DCC: variants seen among roughly 807,000 people sequenced by gnomAD.
DCC encodes the protein netrin receptor DCC.
Under a neutral mutation model 172.5 loss-of-function variants are expected in DCC, and 58 were observed. That is an observed-to-expected ratio of 0.34 (90% CI 0.27 to 0.42). The LOEUF (loss-of-function observed/expected upper bound fraction) is 0.42, where lower values mean the gene tolerates loss of function less well. DCC is among the 10% of genes least tolerant of loss of function. The probability of loss-of-function intolerance (pLI) is 1.00; values close to 1 mark genes in which losing one functional copy is unlikely to be tolerated. For synonymous variants in DCC, 709 were observed against 644.5 expected (o/e 1.10, Z -1.52); for missense variants, 1,740 against 1,791.0 (o/e 0.97, Z 0.51).
rs571303702 is a variant in DCC at position 53,140,494 on chromosome 18, G to A, written c.1262-16862G>A. On this transcript the variant is annotated intron_variant, in intron 7 of 28. Coordinates refer to ENST00000442544, the MANE Select transcript of DCC (RefSeq NM_005215.4). ...CTTAAATATGCCCCCAAATATAATA[G>A]AGTCTGCACAGAGATTACATGCTGG... is the stretch of plus-strand genomic sequence containing the variant. Among the ~76,000 whole-genome samples the A allele has an allele frequency of 1.0e-3, 157 of 152,218 alleles. 1 individual carries two copies. The highest frequency in any genetic ancestry group is 3.6e-3 in the African/African-American group (151 of 41,526).
chr18:52,519,453 A>G (rs1325823644), intron 1 of DCC, among the ~76,000 whole-genome samples: 2 of 152,188 alleles, frequency 1.3e-5, no homozygotes, highest in African/African-American at 4.8e-5. Flanking sequence ...AGGAGAAGAA[A>G]AGATAACTGT....
chr18:52,976,326 T>G (rs931527421), intron 5 of DCC, among the ~76,000 whole-genome samples: 1 of 152,186 alleles, frequency 6.6e-6, no homozygotes, highest in African/African-American at 2.4e-5. Context: ...TAGTTTCTTT[T>G]GCTGTGTAGA....
At chr18:52,608,006 T>G (rs2034172611) in intron 1 of DCC, among the ~76,000 whole-genome samples, 1 of 152,116 alleles carries the variant, frequency 6.6e-6, no homozygotes, top group African/African-American at 2.4e-5. Flanking sequence ...TGGAGGAACC[T>G]CCGGGCCCTA....
intron 7 of DCC, among the ~76,000 whole-genome samples, chr18:53,086,004 C>A (rs1205695832): frequency 1.0e-3 from 25 of 25,058 alleles, no homozygotes; most frequent in East Asian, 4.7e-3. Context: ...TCTCCTTCTT[C>A]TCCTTCTCCT....
intron 2 of DCC, among the ~76,000 whole-genome samples, chr18:52,893,957 TC>T (rs1197971560): frequency 2.0e-5 from 3 of 152,136 alleles, no homozygotes; most frequent in African/African-American, 7.2e-5. Flanking sequence ...ACATAAGTTT[TC>T]GAACTCACTG....
intron 2 of DCC, among the ~76,000 whole-genome samples, chr18:52,869,734 G>A (rs182440706): frequency 7.2e-5 from 11 of 152,342 alleles, no homozygotes; most frequent in Admixed American, 3.3e-4. Flanking sequence ...GTCTGCTGGC[G>A]TGTCAGCACT....
chr18:52,938,326 CTG>C (rs1244819024), intron 5 of DCC, among the ~76,000 whole-genome samples: 2 of 152,080 alleles, frequency 1.3e-5, no homozygotes, highest in African/African-American at 4.8e-5. Flanking sequence ...ATGAACCAAA[CTG>C]TGGAAGTGGG....
intron 2 of DCC, among the ~76,000 whole-genome samples, chr18:52,808,545 T>C (rs1271061667): frequency 6.6e-6 from 1 of 151,112 alleles, no homozygotes; most frequent in East Asian, 2.0e-4. Context: ...AAAGAAAAAA[T>C]AAAAATTGGC....
chr18:53,259,597 C>G, intron 12 of DCC, among the ~76,000 whole-genome samples: 1 of 152,138 alleles, frequency 6.6e-6, no homozygotes, highest in East Asian at 1.9e-4. Flanking sequence ...GTCTAATGGG[C>G]TTCCCTTTGT....
In DCC at chr18:52,373,888, A is replaced by ATT. The variant is rs1296846491; in HGVS notation, c.91+33031_91+33032dup. ...TCAATGAAGCATATTTGGTTGCATC[A>ATT]TTTTTTTTTTTTTTTTTTTTTTGAG... is the stretch of plus-strand genomic sequence containing the variant. On this transcript the variant is annotated intron_variant, in intron 1 of 28. Coordinates refer to ENST00000442544, the MANE Select transcript of DCC (RefSeq NM_005215.4). 1.9e-3 allele frequency among the ~76,000 whole-genome samples: 239 copies of ATT among 127,304 alleles called. 1 individual carries two copies. The highest frequency in any genetic ancestry group is 2.5e-3 in the Non-Finnish European group (151 of 61,152). The allele number at this position is 127,304 out of a possible 152,430, so 83.5% of individuals were successfully genotyped here.
chr18:52,699,275 C>A (rs1359499037), intron 1 of DCC, among the ~76,000 whole-genome samples: 3 of 152,150 alleles, frequency 2.0e-5, no homozygotes, highest in Non-Finnish European at 4.4e-5. Flanking sequence ...GGGACCATCC[C>A]CCTGAGACCC....
At chr18:53,234,181 C>A (rs1212625813) in intron 12 of DCC, among the ~76,000 whole-genome samples, 3 of 152,076 alleles carry the variant, frequency 2.0e-5, no homozygotes, top group Admixed American at 2.0e-4. Context: ...ACCTGGGAGG[C>A]GGAGGTTGCA....
chr18:52,905,122 G>A (rs1361027787), intron 2 of DCC, among the ~76,000 whole-genome samples: 2 of 152,158 alleles, frequency 1.3e-5, no homozygotes, highest in African/African-American at 4.8e-5. Flanking sequence ...TATGCATGGT[G>A]ATGCATACAA....
At chr18:52,881,111 TG>T (rs1200004671) in intron 2 of DCC, among the ~76,000 whole-genome samples, 1 of 152,184 alleles carries the variant, frequency 6.6e-6, no homozygotes, top group Non-Finnish European at 1.5e-5. Context: ...TGATGATCGA[TG>T]ATGTTGAGCA....
chr18:52,639,471 G>GCACT (rs1297456235), intron 1 of DCC, among the ~76,000 whole-genome samples: 1 of 152,056 alleles, frequency 6.6e-6, no homozygotes, highest in Non-Finnish European at 1.5e-5. Context: ...AAATAAAACA[G>GCACT]GAGATATTAC....
chr18:52,796,073 T>TG lies in DCC; in HGVS notation c.412+43700dup, dbSNP rs2037871365. On this transcript the variant is annotated intron_variant, in intron 2 of 28. Coordinates refer to ENST00000442544, the MANE Select transcript of DCC (RefSeq NM_005215.4). ...ATAGGTACAGTTACTTTTTTTTTTCTGCTTTTGGTTTCCATTTACATGGAA... is the reference window on the plus strand; with the variant it reads ...ATAGGTACAGTTACTTTTTTTTTTCTGGCTTTTGGTTTCCATTTACATGGAA... 2.8e-5 allele frequency among the ~76,000 whole-genome samples: 4 copies of TG among 145,108 alleles called. No individual in the cohort carries two copies. The South Asian group carries it at 8.9e-4, about 32-fold the overall frequency.
chr18:52,849,216 A>G (rs554209623), intron 2 of DCC, among the ~76,000 whole-genome samples: 6 of 152,194 alleles, frequency 3.9e-5, no homozygotes, highest in Non-Finnish European at 8.8e-5. Flanking sequence ...ACTGTCCAGC[A>G]GGAACCTTTA....
At chr18:52,499,183 A>G (rs1364313240) in intron 1 of DCC, among the ~76,000 whole-genome samples, 1 of 152,194 alleles carries the variant, frequency 6.6e-6, no homozygotes, top group African/African-American at 2.4e-5. Flanking sequence ...TCAAGGATCT[A>G]GTGACAAGTT....
chr18:53,421,049 G>A (rs1910621334), intron 21 of DCC, among the ~76,000 whole-genome samples: 1 of 152,130 alleles, frequency 6.6e-6, no homozygotes, highest in Non-Finnish European at 1.5e-5. Flanking sequence ...TCTCACAGAA[G>A]CATTTTAGAA....
Sources: gnomAD v4.1 joint callset for allele counts (sites outside exome capture counted in the v4.1 genomes callset) on GRCh38, gnomAD v4.1.1 for gene constraint, MANE v1.5 for transcripts, NCBI Gene and HGNC (gene_info 2026-07-23, HGNC 2026-07-21) for gene names.